Variants in PITPNB observed in about 807,000 individuals in gnomAD.
PITPNB encodes the protein phosphatidylinositol transfer protein beta, also known as phosphatidylinositol transfer protein beta isoform.
A neutral mutation model predicts 45.9 loss-of-function variants in PITPNB; 16 were observed. The ratio of observed to expected loss-of-function variants is 0.35; its 90% CI spans 0.24 to 0.53. The LOEUF (loss-of-function observed/expected upper bound fraction) is 0.53, where lower values mean the gene tolerates loss of function less well. PITPNB is among the 20% of genes least tolerant of loss of function. The pLI, the probability that PITPNB is intolerant of heterozygous loss-of-function variation, is 0.93. For missense variants in PITPNB, 188 were observed against 330.5 expected, an observed-to-expected ratio of 0.57 and a Z score of 3.34; for synonymous variants, 112 against 108.9, an observed-to-expected ratio of 1.03 and a Z score of -0.18.
intron 8 of PITPNB, 87 bp from the exon 9 acceptor site, chr22:27,860,328 AC>A (rs1934288706): frequency 1.4e-6 from 1 of 713,176 alleles, no homozygotes; most frequent in South Asian, 2.0e-5. Flanking sequence ...GACATCATAG[AC>A]ATACATGAAG....
chr22:27,909,304 C>T (rs2146423720), intron 3 of PITPNB, among the ~76,000 whole-genome samples: 1 of 145,416 alleles, frequency 6.9e-6, no homozygotes, highest in East Asian at 2.1e-4. Context: ...TGAGCTCAAG[C>T]AATACTCCCA....
chr22:27,914,772 T>C (rs532298095), intron 1 of PITPNB, among the ~76,000 whole-genome samples: 1 of 152,362 alleles, frequency 6.6e-6, no homozygotes, highest in East Asian at 1.9e-4. Flanking sequence ...ACAGAATACG[T>C]GTCTTGAATC....
In PITPNB at chr22:27,873,808, T is replaced by G; in HGVS notation, c.464A>C (p.Lys155Thr). ...GAATAATGCTGGGTCTTCATCAGCTTTGTAGTCCTGCAAAGCAAAACAAAG... is the reference window on the plus strand; with the variant it reads ...GAATAATGCTGGGTCTTCATCAGCTGTGTAGTCCTGCAAAGCAAAACAAAG... ...DRSQVEPADY[K>T]ADEDPALFQS... is the part of the protein sequence containing the mutation. Residue 155 changes from lysine to threonine, a missense_variant, in exon 8 of 12, where the codon AAA (lysine) becomes ACA (threonine). By Grantham distance (78) the Lys-to-Thr change is moderately conservative (BLOSUM62 -1). Coordinates refer to ENST00000335272, the MANE Select transcript of PITPNB (RefSeq NM_012399.5). The G allele has an allele frequency of 1.2e-6, 2 of 1,611,588 alleles. No homozygotes were observed. The highest frequency in any genetic ancestry group is 1.7e-6 in the Non-Finnish European group (2 of 1,177,712).
intron 8 of PITPNB, 37 bp downstream of exon 8, chr22:27,873,701 C>G (rs1404920775): frequency 7.6e-7 from 1 of 1,311,394 alleles, no homozygotes; most frequent in Admixed American, 1.7e-5. Flanking sequence ...GTTCTGTTGC[C>G]AAGACTCTGC....
intron 4 of PITPNB, 119 bp from the exon 5 acceptor site, chr22:27,897,256 CATTT>C: frequency 1.3e-6 from 1 of 773,918 alleles, no homozygotes; most frequent in Non-Finnish European, 2.3e-6. Context: ...GAAAACAGAA[CATTT>C]ATTTAGTAAT....
intron 7 of PITPNB, among the ~76,000 whole-genome samples, chr22:27,875,787 T>A (rs1027357854): frequency 2.0e-5 from 3 of 152,040 alleles, no homozygotes; most frequent in Admixed American, 2.0e-4. Flanking sequence ...AGGAAACAGA[T>A]AAAGTAAAAG....
intron 7 of PITPNB, among the ~76,000 whole-genome samples, chr22:27,884,750 C>T (rs1336770964): frequency 2.0e-5 from 3 of 151,960 alleles, no homozygotes; most frequent in Non-Finnish European, 4.4e-5. Context: ...TAAATGGATC[C>T]CGATTTTTAA....
Position 27,873,789 on chromosome 22 carries a change from T to A in PITPNB, c.483A>T (p.Ala161=), listed in dbSNP as rs763437203. 5 of 1,613,108 alleles carry A rather than the reference T, an allele frequency of 3.1e-6. No individual in the cohort carries two copies. In the East Asian group the frequency reaches 6.7e-5, roughly 22 times the overall value. ...PADYKADEDP[A]LFQSVKTKRG... The stretch of plus-strand genomic sequence containing the variant: ...TCTTGGTCTTGACTGACTGGAATAA[T>A]GCTGGGTCTTCATCAGCTTTGTAGT... Residue 161 remains alanine, a synonymous_variant, in exon 8 of 12, where the codon GCA becomes GCT. Coordinates refer to ENST00000335272, the MANE Select transcript of PITPNB (RefSeq NM_012399.5).
At chr22:27,900,528 A>T (rs1481913517) in intron 3 of PITPNB, among the ~76,000 whole-genome samples, 3 of 152,340 alleles carry the variant, frequency 2.0e-5, no homozygotes, top group African/African-American at 4.8e-5. Flanking sequence ...GACTGAGTTA[A>T]TAAAGTCCAA....
intron 8 of PITPNB, among the ~76,000 whole-genome samples, chr22:27,864,858 C>T (rs1484210925): frequency 6.6e-6 from 1 of 151,550 alleles, no homozygotes; most frequent in Non-Finnish European, 1.5e-5. Context: ...GAATTGTTTG[C>T]ACCCAGGAGG....
chr22:27,901,783 C>T (rs771794349), intron 3 of PITPNB, among the ~76,000 whole-genome samples: 11 of 152,040 alleles, frequency 7.2e-5, no homozygotes, highest in Non-Finnish European at 1.3e-4. Flanking sequence ...ACTTGGGAGG[C>T]TGAGGCAGGA....
chr22:27,870,323 T>C (rs1013332888), intron 8 of PITPNB, among the ~76,000 whole-genome samples: 4 of 152,238 alleles, frequency 2.6e-5, no homozygotes, highest in Admixed American at 2.6e-4. Context: ...GTCAGTCTGG[T>C]GCAGACAGGA....
At chr22:27,883,608 G>A (rs1935034697) in intron 7 of PITPNB, among the ~76,000 whole-genome samples, 1 of 152,244 alleles carries the variant, frequency 6.6e-6, no homozygotes, top group African/African-American at 2.4e-5. Context: ...GCTGCCTGCG[G>A]GCAGACCACA....
intron 7 of PITPNB, among the ~76,000 whole-genome samples, chr22:27,885,229 A>T (rs1343736772): frequency 2.4e-5 from 3 of 125,128 alleles, no homozygotes; most frequent in African/African-American, 7.0e-5. Flanking sequence ...AAAAAAAAAA[A>T]AAAAAAAAAA....
chr22:27,874,645 T>A (rs892575441), intron 7 of PITPNB, among the ~76,000 whole-genome samples: 2 of 152,208 alleles, frequency 1.3e-5, no homozygotes, highest in African/African-American at 4.8e-5. Context: ...ACACACACTC[T>A]CTCTCTCTCC....
chr22:27,905,823 T>C (rs1601424618), intron 3 of PITPNB, among the ~76,000 whole-genome samples: 2 of 152,314 alleles, frequency 1.3e-5, no homozygotes, highest in East Asian at 3.9e-4. Flanking sequence ...CAAAAAGGAC[T>C]GGTCAGTGTG....
intron 9 of PITPNB, 83 bp downstream of exon 9, chr22:27,860,048 G>C (rs1452983079): frequency 6.6e-6 from 5 of 763,308 alleles, no homozygotes; most frequent in Non-Finnish European, 1.1e-5. Flanking sequence ...AGGAAAAAAA[G>C]TAATAACAGA....
chr22:27,858,965 A>G (rs1569003450), intron 9 of PITPNB, among the ~76,000 whole-genome samples: 1 of 152,212 alleles, frequency 6.6e-6, no homozygotes, highest in Non-Finnish European at 1.5e-5. Flanking sequence ...TTATTAAATT[A>G]AGAATCATTA....
intron 1 of PITPNB, among the ~76,000 whole-genome samples, chr22:27,918,723 G>A (rs1418454152): frequency 6.6e-6 from 1 of 152,140 alleles, no homozygotes; most frequent in Non-Finnish European, 1.5e-5. Flanking sequence ...CAACCGGCAA[G>A]CCCATCTCCC....
Sources: allele counts gnomAD v4.1 joint callset (sites outside exome capture counted in the v4.1 genomes callset), GRCh38; gene constraint gnomAD v4.1.1; transcripts MANE v1.5; gene names NCBI Gene and HGNC (gene_info 2026-07-23, HGNC 2026-07-21).